DNAH8: variants seen among roughly 807,000 people sequenced by gnomAD.
The protein encoded by DNAH8 is axonemal beta dynein heavy chain 8.
Under a neutral mutation model 562.1 loss-of-function variants are expected in DNAH8, and 382 were observed. The observed-to-expected ratio is 0.68, with a 90% CI of 0.63 to 0.74. The LOEUF is 0.74. Ranked by LOEUF, DNAH8 falls within the 30% of genes least tolerant of loss-of-function variation. DNAH8 has a pLI of 0.00. For synonymous variants in DNAH8, 1,881 were observed against 1,919.4 expected, an observed-to-expected ratio of 0.98 and a Z score of 0.52; for missense variants, 5,203 against 5,620.4, an observed-to-expected ratio of 0.93 and a Z score of 2.37.
chr6:38,912,653 T>C (rs1780990714), intron 66 of DNAH8, among the ~76,000 whole-genome samples: 1 of 152,216 alleles, frequency 6.6e-6, no homozygotes. Flanking sequence ...ATAGTGGCTT[T>C]TGAGAACACA....
intron 87 of DNAH8, among the ~76,000 whole-genome samples, chr6:38,984,714 C>T (rs1764264758): frequency 6.6e-6 from 1 of 152,160 alleles, no homozygotes; most frequent in African/African-American, 2.4e-5. Context: ...TCACTTGAAC[C>T]TGGGAGGCGG....
chr6:38,800,817 C>T (rs1355925679), intron 21 of DNAH8, among the ~76,000 whole-genome samples: 3 of 152,198 alleles, frequency 2.0e-5, no homozygotes, highest in South Asian at 2.1e-4. Context: ...CCACCGTGCC[C>T]TGCCTCCTGT....
intron 85 of DNAH8, among the ~76,000 whole-genome samples, chr6:38,977,772 C>T (rs1472908997): frequency 6.6e-6 from 1 of 152,076 alleles, no homozygotes; most frequent in Non-Finnish European, 1.5e-5. Flanking sequence ...TATTTTTTTC[C>T]TATTGATTGT....
intron 18 of DNAH8, 63 bp downstream of exon 18, chr6:38,787,015 A>C: frequency 1.6e-6 from 1 of 639,148 alleles, no homozygotes; most frequent in East Asian, 5.4e-5. Flanking sequence ...AAATATGTAT[A>C]TATATATATA....
At position 38,911,714 on chromosome 6, in the gene DNAH8, A is replaced by G. The variant is rs1780917080; in HGVS notation, c.9859+128A>G. On this transcript the variant is annotated intron_variant, in intron 66 of 92. Transcript: ENST00000327475. ...CACTTTGTTAGTAGTAGATAATTTT[A>G]AAGGATGGCCTTGAGGGTATTTTGA... 3 of 665,740 alleles carry G rather than the reference A, an allele frequency of 4.5e-6. No homozygotes were observed. The East Asian group carries it at 8.4e-5, about 19-fold the overall frequency. 41.2% of individuals were successfully genotyped at this position (665,740 alleles called of 1,614,324 possible). A position where few individuals can be genotyped will look rare whatever the true frequency, so the allele number is the denominator to read the frequency against.
chr6:38,923,995 G>A lies in DNAH8; in HGVS notation c.10795G>A (p.Val3599Ile), dbSNP rs150171166. The change falls in exon 73 of 93, where the codon GTA becomes ATA. Residue 3599 changes from valine (V) to isoleucine (I), a missense_variant. Coordinates refer to ENST00000327475, the MANE Select transcript of DNAH8 (RefSeq NM_001206927.2). ...KEFKAQINRL[V>I]GDILLCTGFL... ...GGCTGTGTGTTTTCTTCACAGACTT[G>A]TAGGTGATATTCTGCTGTGCACGGG... 5.6e-5 allele frequency: 91 copies of A among 1,613,808 alleles called. No homozygotes were observed. In the African/African-American group the frequency reaches 1.0e-3, roughly 18 times the overall value.
At chr6:38,763,612 G>A in intron 11 of DNAH8, 1 of 176,874 alleles carries the variant, frequency 5.7e-6, no homozygotes, top group Non-Finnish European at 1.2e-5. Flanking sequence ...CCAGGAGTTC[G>A]AGACCAGCCT....
intron 3 of DNAH8, among the ~76,000 whole-genome samples, chr6:38,726,692 G>A (rs574655932): frequency 2.0e-5 from 3 of 152,058 alleles, no homozygotes; most frequent in Non-Finnish European, 2.9e-5. Flanking sequence ...TGAAAGATTA[G>A]AATGTTTATT....
In DNAH8 at chr6:38,875,576, T is replaced by G. The variant is rs1368406400; in HGVS notation, c.7621-15T>G. ...ATTTTAATTTAAAAATTTATTTTAT[T>G]TGAAACATTTTCAGTCTCTCAATCT... On this transcript the variant is annotated splice_polypyrimidine_tract_variant and intron_variant, in intron 52 of 92. Coordinates refer to ENST00000327475, the MANE Select transcript of DNAH8 (RefSeq NM_001206927.2). 7.1e-7 allele frequency: 1 copy of G among 1,408,272 alleles called. No homozygotes were observed. The highest frequency in any genetic ancestry group is 2.3e-5 in the Admixed American group (1 of 43,468). The allele number at this position is 1,408,272 out of a possible 1,614,324, so 87.2% of individuals were successfully genotyped here.
chr6:38,922,708 C>T (rs551642199), intron 71 of DNAH8, among the ~76,000 whole-genome samples: 3 of 152,176 alleles, frequency 2.0e-5, no homozygotes, highest in South Asian at 2.1e-4. Context: ...ACAAAGAACT[C>T]GGGATTATTA....
At chr6:38,835,706 T>G (rs1774222786) in intron 32 of DNAH8, among the ~76,000 whole-genome samples, 1 of 151,716 alleles carries the variant, frequency 6.6e-6, no homozygotes, top group Non-Finnish European at 1.5e-5. Context: ...TCGTGTACCT[T>G]TGGGATGCGG....
At chr6:38,726,129 G>T (rs952427499) in intron 3 of DNAH8, among the ~76,000 whole-genome samples, 16 of 152,312 alleles carry the variant, frequency 1.1e-4, no homozygotes, top group Admixed American at 1.0e-3. Context: ...CCTGCATTTG[G>T]CTAGGGAGGA....
chr6:38,769,472 G>A (rs1387050379), intron 11 of DNAH8, among the ~76,000 whole-genome samples: 2 of 151,874 alleles, frequency 1.3e-5, no homozygotes, highest in Non-Finnish European at 2.9e-5. Flanking sequence ...AGGAAAGAAT[G>A]AGGCCAATTA....
At chr6:38,918,455 G>A (rs1174074041) in intron 70 of DNAH8, among the ~76,000 whole-genome samples, 3 of 152,182 alleles carry the variant, frequency 2.0e-5, no homozygotes, top group Middle Eastern at 3.2e-3. Context: ...ATTAGGTTTG[G>A]AGGTTGAATT....
At chr6:39,023,487 C>T (rs58719234) in intron 91 of DNAH8, among the ~76,000 whole-genome samples, 1,542 of 152,000 alleles carry the variant, frequency 0.01, 24 homozygotes, top group African/African-American at 0.034. Context: ...AGCGAGACAC[C>T]GTCTAAAAAA....
At chr6:38,876,194 A>C (rs862427) in intron 53 of DNAH8, among the ~76,000 whole-genome samples, 132,641 of 152,220 alleles carry the variant, frequency 0.87, 57,880 homozygotes, top group South Asian at 0.89. Context: ...CAGCCCCACA[A>C]TTCCCCTGTT....
At chr6:38,911,387 C>A in intron 65 of DNAH8, 81 bp from the exon 66 acceptor site, 1 of 1,022,676 alleles carries the variant, frequency 9.8e-7, no homozygotes, top group Non-Finnish European at 1.6e-6. Context: ...CATGATCACA[C>A]TGATTTCACC....
Position 38,899,800 on chromosome 6 carries a change from T to C in DNAH8, c.9088T>C (p.Cys3030Arg). 6.2e-7 allele frequency: 1 copy of C among 1,613,748 alleles called. No homozygotes were observed. The highest frequency in any genetic ancestry group is 1.1e-5 in the South Asian group (1 of 91,016). Residue 3030 changes from cysteine (C) to arginine (R), a missense_variant, in exon 62 of 93, where the codon TGT becomes CGT. Transcript: ENST00000327475. ...GATTTCACGAATAATTCGAACGTCG[T>C]GTGGAAATGCATTGCTGGTGGGTGT... is the stretch of plus-strand genomic sequence containing the variant. Reference protein sequence around the residue: ...IKISRIIRTSCGNALLVGVGG... With the variant: ...IKISRIIRTSRGNALLVGVGG...
chr6:38,882,485 T>G (rs1265924977), intron 53 of DNAH8, among the ~76,000 whole-genome samples: 1 of 152,186 alleles, frequency 6.6e-6, no homozygotes, highest in Non-Finnish European at 1.5e-5. Flanking sequence ...CTGCGTATTT[T>G]CAATTATAAG....
Sources: allele counts gnomAD v4.1 joint callset (sites outside exome capture counted in the v4.1 genomes callset), GRCh38; gene constraint gnomAD v4.1.1; transcripts MANE v1.5; gene names NCBI Gene and HGNC (gene_info 2026-07-23, HGNC 2026-07-21).